The following SLC47A1 variants were observed in gnomAD, a reference collection of about 807,000 sequenced individuals.
SLC47A1 encodes multidrug and toxin extrusion protein 1.
SLC47A1 carries 58 observed loss-of-function variants against 65.8 expected under a neutral mutation model. The ratio of observed to expected loss-of-function variants is 0.88; its 90% CI spans 0.71 to 1.10. The LOEUF is 1.10. Among genes scored for constraint, SLC47A1 ranks in the 50% least tolerant of loss-of-function variants. The probability of loss-of-function intolerance (pLI) is 0.00; values close to 1 mark genes in which losing one functional copy is unlikely to be tolerated. For synonymous variants in SLC47A1, 285 were observed against 295.0 expected, an observed-to-expected ratio of 0.97 and a Z score of 0.35; for missense variants, 706 against 719.2, an observed-to-expected ratio of 0.98 and a Z score of 0.21.
chr17:19,536,553 T>TTG (rs150186633), intron 1 of SLC47A1, among the ~76,000 whole-genome samples: 2 of 152,044 alleles, frequency 1.3e-5, no homozygotes, highest in Admixed American at 1.3e-4. Context: ...TTCTAGTCCT[T>TTG]TGTGTGTGTG....
chr17:19,543,920 G>A (rs1916219822), intron 2 of SLC47A1, among the ~76,000 whole-genome samples: 1 of 152,094 alleles, frequency 6.6e-6, no homozygotes, highest in Non-Finnish European at 1.5e-5. Flanking sequence ...AAGTATATGT[G>A]GAGCTAGCTA....
At chr17:19,534,155 C>A (rs924243362) in intron 1 of SLC47A1, 81 bp downstream of exon 1, 2 of 1,408,108 alleles carry the variant, frequency 1.4e-6, no homozygotes, top group Admixed American at 2.6e-5. Context: ...GTGACTTTGG[C>A]GGGCTTTGGG....
At chr17:19,571,614 G>T in intron 15 of SLC47A1, 42 bp downstream of exon 15, 1 of 1,478,174 alleles carries the variant, frequency 6.8e-7, no homozygotes, top group Non-Finnish European at 9.4e-7. Flanking sequence ...TCCTCTCCTA[G>T]AAAAACAGGA....
intron 1 of SLC47A1, among the ~76,000 whole-genome samples, chr17:19,541,756 G>T (rs1266209593): frequency 6.6e-6 from 1 of 152,174 alleles, no homozygotes; most frequent in Non-Finnish European, 1.5e-5. Context: ...TAACAAGGGG[G>T]TTATCCCAGA....
At chr17:19,566,993 A>T in intron 13 of SLC47A1, 103 bp from the exon 14 acceptor site, 1 of 1,595,794 alleles carries the variant, frequency 6.3e-7, no homozygotes, top group Non-Finnish European at 8.6e-7. Context: ...GGATACTGTC[A>T]CCTTACCATG....
intron 6 of SLC47A1, 50 bp downstream of exon 6, chr17:19,551,518 T>C: frequency 6.5e-7 from 1 of 1,538,468 alleles, no homozygotes; most frequent in Non-Finnish European, 9.0e-7. Flanking sequence ...AGTTTGTACC[T>C]TTCTGGGAAT....
chr17:19,577,842 TCTG>T lies in SLC47A1; in HGVS notation c.*292_*294del, dbSNP rs2084452962. On this transcript the variant is annotated 3_prime_UTR_variant, in exon 17 of 17. Transcript: ENST00000270570. ...TGCATTGGCCAATGGCTTTGATACT[TCTG>T]CTATTTTTTTAGACACAAACCCATA... The T allele has an allele frequency of 7.8e-7, 1 of 1,280,830 alleles. No homozygotes were observed. The highest frequency in any genetic ancestry group is 1.0e-6 in the Non-Finnish European group (1 of 1,004,034). The allele number at this position is 1,280,830 out of a possible 1,614,324, so 79.3% of individuals were successfully genotyped here.
rs1332048741 is a variant in SLC47A1, at chr17:19,577,424, G to A, written c.1584G>A (p.Pro528=). The A allele has an allele frequency of 8.7e-6, 14 of 1,614,082 alleles. 1 individual carries two copies. In the Middle Eastern group the frequency reaches 6.6e-4, roughly 76 times the overall value. Reference sequence around the variant, plus strand: ...AGATGCGCCAAGAAGAACCTTTGCCGGAACATCCACAGGACGGCGCTAAAT... The same window carrying A: ...AGATGCGCCAAGAAGAACCTTTGCCAGAACATCCACAGGACGGCGCTAAAT... ...DQQMRQEEPL[P]EHPQDGAKLS... Residue 528 remains proline, a synonymous_variant, in exon 17 of 17, where the codon CCG becomes CCA. Transcript: ENST00000270570.
intron 12 of SLC47A1, among the ~76,000 whole-genome samples, chr17:19,562,040 C>T (rs1222165667): frequency 6.6e-6 from 1 of 152,190 alleles, no homozygotes; most frequent in Non-Finnish European, 1.5e-5. Flanking sequence ...TTTCCTTCAT[C>T]AGCGATGCTA....
intron 7 of SLC47A1, 35 bp downstream of exon 7, chr17:19,555,344 G>A (rs1366478333): frequency 6.2e-7 from 1 of 1,607,578 alleles, no homozygotes; most frequent in Non-Finnish European, 8.5e-7. Flanking sequence ...AGGGAGAAGG[G>A]ATGACTTGCA....
At chr17:19,551,538 GA>G in intron 6 of SLC47A1, 70 bp downstream of exon 6, 1 of 1,413,748 alleles carries the variant, frequency 7.1e-7, no homozygotes. Context: ...TGGGGGCCCT[GA>G]AGATACTCCA....
chr17:19,549,260 G>T (rs893193391), intron 4 of SLC47A1, among the ~76,000 whole-genome samples: 2 of 151,720 alleles, frequency 1.3e-5, no homozygotes, highest in Non-Finnish European at 2.9e-5. Flanking sequence ...GTGCAATGGT[G>T]TGATCTCAGC....
In SLC47A1 at chr17:19,567,183, C is replaced by A; in HGVS notation, c.1264C>A (p.Pro422Thr). The change falls in exon 14 of 17, where the codon CCC becomes ACC. Residue 422 changes from proline to threonine, a missense_variant. By Grantham distance (38) the Pro-to-Thr change is conservative. Transcript: ENST00000270570. ...NTIGYYVVGL[P>T]IGIALMFATT... ...CATTGGGTACTATGTGGTTGGCCTC[C>A]CCATCGGGATCGCGCTGATGTTTGC... The A allele has an allele frequency of 6.2e-7, 1 of 1,614,152 alleles. No homozygotes were observed.
At chr17:19,564,450 A>G (rs931685581) in intron 12 of SLC47A1, 3 of 152,166 alleles carry the variant, frequency 2.0e-5, no homozygotes, top group South Asian at 2.1e-4. Flanking sequence ...AAGGAAAATT[A>G]AGAATATACA....
chr17:19,556,794 C>T (rs1363282163), intron 10 of SLC47A1, among the ~76,000 whole-genome samples: 2 of 152,004 alleles, frequency 1.3e-5, no homozygotes, highest in Non-Finnish European at 2.9e-5. Context: ...TGACCTCAGG[C>T]GATCTACCCG....
In SLC47A1 at chr17:19,542,492, G is replaced by A. The variant is rs202002655; in HGVS notation, c.235G>A (p.Ala79Thr). 9.3e-5 allele frequency: 149 copies of A among 1,610,522 alleles called. No individual in the cohort carries two copies. The highest frequency in any genetic ancestry group is 4.2e-4 in the East Asian group (19 of 44,754). Residue 79 changes from alanine (A) to threonine (T), a missense_variant and splice_region_variant, in exon 2 of 17, where the codon GCG becomes ACG. Ala to Thr is a moderately conservative substitution (Grantham distance 58, BLOSUM62 0). Transcript: ENST00000270570. ...LELDAVTLAIAVINVTGVSVG... is the reference protein window; with the variant it reads ...LELDAVTLAITVINVTGVSVG... ...GCTGGATGCAGTCACGCTGGCAATC[G>A]CGGTACGTGTGGGCTTTCTGGCAGG...
chr17:19,550,625 G>A (rs565948191), intron 5 of SLC47A1, among the ~76,000 whole-genome samples: 2 of 152,204 alleles, frequency 1.3e-5, no homozygotes, highest in Non-Finnish European at 2.9e-5. Context: ...TGAGAGCTAA[G>A]TGTTTGTTAT....
At chr17:19,569,653 G>A (rs1363674041) in intron 14 of SLC47A1, among the ~76,000 whole-genome samples, 1 of 152,212 alleles carries the variant, frequency 6.6e-6, no homozygotes, top group African/African-American at 2.4e-5. Context: ...GAATCCCTGG[G>A]AGACATTTTA....
At chr17:19,537,861 A>G (rs528063281) in intron 1 of SLC47A1, among the ~76,000 whole-genome samples, 39 of 152,188 alleles carry the variant, frequency 2.6e-4, no homozygotes, top group Non-Finnish European at 4.9e-4. Flanking sequence ...CTCAGCCTGG[A>G]AAGTCCTCCC....
Sources: gnomAD v4.1 joint callset for allele counts (sites outside exome capture counted in the v4.1 genomes callset) on GRCh38, gnomAD v4.1.1 for gene constraint, MANE v1.5 for transcripts, NCBI Gene and HGNC (gene_info 2026-07-23, HGNC 2026-07-21) for gene names.